THSD4: variants seen among roughly 807,000 people sequenced by gnomAD.
The protein encoded by THSD4 is thrombospondin type-1 domain-containing protein 4.
In THSD4, 69 loss-of-function variants were observed where a neutral mutation model predicts 119.0. The ratio of observed to expected loss-of-function variants is 0.58; its 90% CI spans 0.48 to 0.71. THSD4 has a LOEUF of 0.71. Ranked by LOEUF, THSD4 falls within the 30% of genes least tolerant of loss-of-function variation. The pLI is 0.00. For synonymous variants in THSD4, 524 were observed against 540.4 expected (o/e 0.97, Z 0.42); for missense variants, 1,393 against 1,391.1 (o/e 1.00, Z -0.02).
intron 7 of THSD4, among the ~76,000 whole-genome samples, chr15:71,462,101 A>G (rs1386031158): frequency 6.6e-6 from 1 of 152,184 alleles, no homozygotes; most frequent in Non-Finnish European, 1.5e-5. Context: ...TTCCAGGCCT[A>G]ACTTTCTTTT....
At chr15:71,701,094 C>G (rs2052280226) in intron 8 of THSD4, among the ~76,000 whole-genome samples, 1 of 152,074 alleles carries the variant, frequency 6.6e-6, no homozygotes. Context: ...AAATGGCAGA[C>G]TGAGAAATAA....
intron 7 of THSD4, among the ~76,000 whole-genome samples, chr15:71,621,840 C>T (rs1450282844): frequency 6.6e-6 from 1 of 152,192 alleles, no homozygotes; most frequent in Admixed American, 6.5e-5. Context: ...TATTTTATTA[C>T]AATTGCTAAT....
intron 7 of THSD4, among the ~76,000 whole-genome samples, chr15:71,629,625 C>T (rs1446871480): frequency 1.3e-5 from 2 of 152,052 alleles, no homozygotes; most frequent in Admixed American, 1.3e-4. Context: ...ATGCTCAGGC[C>T]CCCTGGTTGT....
chr15:71,326,149 A>G (rs1288544432), intron 6 of THSD4, among the ~76,000 whole-genome samples: 2 of 152,200 alleles, frequency 1.3e-5, no homozygotes, highest in East Asian at 3.8e-4. Context: ...TTGAACCCAG[A>G]CTTGGCCACT....
At chr15:71,454,884 T>G (rs372993089) in intron 7 of THSD4, among the ~76,000 whole-genome samples, 2 of 152,284 alleles carry the variant, frequency 1.3e-5, no homozygotes, top group East Asian at 1.9e-4. Context: ...AAAGCCCAGT[T>G]GAAGAGATCA....
At chr15:71,558,750 C>T (rs868101486) in intron 7 of THSD4, among the ~76,000 whole-genome samples, 24 of 152,238 alleles carry the variant, frequency 1.6e-4, no homozygotes, top group Admixed American at 3.9e-4. Context: ...GGATTACACA[C>T]GTGAGCCACT....
chr15:71,744,453 C>T, intron 11 of THSD4, among the ~76,000 whole-genome samples: 1 of 152,100 alleles, frequency 6.6e-6, no homozygotes, highest in East Asian at 1.9e-4. Flanking sequence ...TGGATGGGTA[C>T]TTTATTAGAA....
intron 7 of THSD4, among the ~76,000 whole-genome samples, chr15:71,637,069 T>C (rs2050758905): frequency 6.6e-6 from 1 of 151,972 alleles, no homozygotes; most frequent in East Asian, 1.9e-4. Flanking sequence ...GTATTTTTGG[T>C]AGAGACGGGG....
chr15:71,118,997 C>T (rs573270450), intron 1 of THSD4, among the ~76,000 whole-genome samples: 1 of 152,320 alleles, frequency 6.6e-6, no homozygotes, highest in East Asian at 1.9e-4. Context: ...TCTGTGCCCA[C>T]AGCCTCGCTG....
chr15:71,205,472 T>C (rs1177438182), intron 3 of THSD4, among the ~76,000 whole-genome samples: 1 of 152,178 alleles, frequency 6.6e-6, no homozygotes, highest in Non-Finnish European at 1.5e-5. Context: ...ATATTTTCTC[T>C]AAAGCGTGGC....
chr15:71,480,077 C>T (rs887804231), intron 7 of THSD4, among the ~76,000 whole-genome samples: 23 of 152,198 alleles, frequency 1.5e-4, no homozygotes, highest in Non-Finnish European at 3.1e-4. Context: ...CGCTCTGTCA[C>T]CCAGGCTAGA....
intron 7 of THSD4, among the ~76,000 whole-genome samples, chr15:71,428,099 A>T (rs1459763982): frequency 6.6e-6 from 1 of 152,124 alleles, no homozygotes; most frequent in Non-Finnish European, 1.5e-5. Context: ...CAGCAGAGAA[A>T]AGTCCTCTGG....
At chr15:71,524,454 T>C (rs2048486860) in intron 7 of THSD4, among the ~76,000 whole-genome samples, 1 of 152,178 alleles carries the variant, frequency 6.6e-6, no homozygotes, top group Non-Finnish European at 1.5e-5. Flanking sequence ...TGGCTGACTC[T>C]CATGCTGCCT....
At chr15:71,138,377 A>T (rs1000971034) in intron 1 of THSD4, among the ~76,000 whole-genome samples, 1 of 152,274 alleles carries the variant, frequency 6.6e-6, no homozygotes, top group Non-Finnish European at 1.5e-5. Flanking sequence ...CGTGGGGATT[A>T]TGGGGATTAC....
At chr15:71,128,222 GAA>G (rs112686096) in intron 1 of THSD4, among the ~76,000 whole-genome samples, 1 of 143,964 alleles carries the variant, frequency 6.9e-6, no homozygotes, top group East Asian at 2.0e-4. Flanking sequence ...TGGGAAAGAA[GAA>G]AAAAAAAAAG....
At chr15:71,325,478 GGCAAGTGTGGGGATGAAAAGGAT>G (rs2045325904) in intron 6 of THSD4, among the ~76,000 whole-genome samples, 1 of 152,168 alleles carries the variant, frequency 6.6e-6, no homozygotes, top group Non-Finnish European at 1.5e-5. Context: ...GAAGGAAGGA[GGCAAGTGTGGGGATGAAAAGGAT>G]GCAAGGAACC....
At chr15:71,294,595 T>C (rs911489550) in intron 6 of THSD4, among the ~76,000 whole-genome samples, 1 of 152,176 alleles carries the variant, frequency 6.6e-6, no homozygotes, top group East Asian at 1.9e-4. Flanking sequence ...AAAGCTGCCA[T>C]GACCATCTCG....
intron 6 of THSD4, among the ~76,000 whole-genome samples, chr15:71,393,213 G>A (rs1463193207): frequency 6.6e-6 from 1 of 150,784 alleles, no homozygotes; most frequent in Non-Finnish European, 1.5e-5. Flanking sequence ...TGGTGGAGGG[G>A]CCCGCCCCTG....
chr15:71,327,238 A>G (rs183167685), intron 6 of THSD4, among the ~76,000 whole-genome samples: 1 of 152,226 alleles, frequency 6.6e-6, no homozygotes, highest in East Asian at 1.9e-4. Flanking sequence ...TTAATTGTTC[A>G]TGGTGGCCTT....
Sources: allele counts gnomAD v4.1 joint callset (sites outside exome capture counted in the v4.1 genomes callset), GRCh38; gene constraint gnomAD v4.1.1; transcripts MANE v1.5; gene names NCBI Gene and HGNC (gene_info 2026-07-23, HGNC 2026-07-21).